SLC2A9: variants seen among roughly 807,000 people sequenced by gnomAD.
The protein encoded by SLC2A9 is solute carrier family 2, facilitated glucose transporter member 9.
SLC2A9 carries 39 observed loss-of-function variants against 50.6 expected under a neutral mutation model. The ratio of observed to expected loss-of-function variants is 0.77; its 90% CI spans 0.60 to 1.01. SLC2A9 has a LOEUF of 1.01. Among genes scored for constraint, SLC2A9 ranks in the 50% least tolerant of loss-of-function variants. The pLI is 0.00. For synonymous variants in SLC2A9, 324 were observed against 276.9 expected (o/e 1.17, Z -1.69); for missense variants, 686 against 677.6 (o/e 1.01, Z -0.14).
intron 10 of SLC2A9, chr4:9,879,505 C>A (rs1734854071): frequency 1.0e-6 from 1 of 985,246 alleles, no homozygotes; most frequent in Non-Finnish European, 1.2e-6. Context: ...GCAGAGACGA[C>A]CACATAGGTT....
At chr4:9,975,030 G>T (rs914956404) in intron 5 of SLC2A9, among the ~76,000 whole-genome samples, 1 of 152,208 alleles carries the variant, frequency 6.6e-6, no homozygotes, top group South Asian at 2.1e-4. Flanking sequence ...AATAAATGGT[G>T]CTGGGATAGT....
At chr4:9,939,823 G>A (rs757865689) in intron 6 of SLC2A9, among the ~76,000 whole-genome samples, 3 of 152,104 alleles carry the variant, frequency 2.0e-5, no homozygotes, top group Non-Finnish European at 4.4e-5. Flanking sequence ...CCTGTCACCT[G>A]GCAGAACACC....
At chr4:9,940,142 G>A (rs769843008) in intron 6 of SLC2A9, among the ~76,000 whole-genome samples, 1 of 152,218 alleles carries the variant, frequency 6.6e-6, no homozygotes, top group Non-Finnish European at 1.5e-5. Flanking sequence ...TCCCAGGCTA[G>A]TAGAGACAGA....
At chr4:10,013,116 A>T (rs930214785) in intron 2 of SLC2A9, among the ~76,000 whole-genome samples, 1 of 152,170 alleles carries the variant, frequency 6.6e-6, no homozygotes, top group Non-Finnish European at 1.5e-5. Flanking sequence ...GATAACCCTG[A>T]TTTTCAACAG....
chr4:9,920,266 GTT>G, intron 7 of SLC2A9, 117 bp downstream of exon 7: 2 of 1,062,898 alleles, frequency 1.9e-6, no homozygotes, highest in Non-Finnish European at 1.4e-6. Context: ...ACAGCATAGA[GTT>G]TGTGGCAATG....
intron 3 of SLC2A9, among the ~76,000 whole-genome samples, chr4:9,996,327 CTG>C (rs2109284232): frequency 6.6e-6 from 1 of 152,356 alleles, no homozygotes; most frequent in Non-Finnish European, 1.5e-5. Context: ...AGGCACTGCA[CTG>C]TGTTTTCCAT....
chr4:9,857,624 T>C (rs1730940866), intron 10 of SLC2A9, among the ~76,000 whole-genome samples: 1 of 152,238 alleles, frequency 6.6e-6, no homozygotes, highest in Admixed American at 6.5e-5. Context: ...GATGCCCTAA[T>C]GCTTCCTGTG....
In SLC2A9 at chr4:10,009,965, C is replaced by T. The variant is rs775427502; in HGVS notation, c.249+9010G>A. Among the ~76,000 whole-genome samples the T allele has an allele frequency of 2.6e-4, 40 of 152,310 alleles. 1 individual carries two copies. The highest frequency in any genetic ancestry group is 9.8e-4 in the Admixed American group (15 of 15,300). On this transcript the variant is annotated intron_variant, in intron 2 of 11. Coordinates refer to ENST00000264784, the MANE Select transcript of SLC2A9 (RefSeq NM_020041.3). Reference sequence around the variant, plus strand: ...GTTCTTGGGATGTAGCCTGTGAATTCTTGGGATTTCTTGAGTTATTCATGG... The same window carrying T: ...GTTCTTGGGATGTAGCCTGTGAATTTTTGGGATTTCTTGAGTTATTCATGG...
At position 9,826,553 on chromosome 4, in the gene SLC2A9, G is replaced by A. The variant is rs1725163122; in HGVS notation, c.1467C>T (p.Ile489=). The A allele has an allele frequency of 6.2e-7, 1 of 1,613,954 alleles. No individual in the cohort carries two copies. The highest frequency in any genetic ancestry group is 8.5e-7 in the Non-Finnish European group (1 of 1,179,972). ...CAAAATACAGGTAGATAGCACCTGTGATACAAATTGTAGCAAAGACTAGGA... is the reference window on the plus strand; with the variant it reads ...CAAAATACAGGTAGATAGCACCTGTAATACAAATTGTAGCAAAGACTAGGA... The part of the protein sequence containing the change: ...YCFLVFATIC[I]TGAIYLYFVL... Residue 489 remains isoleucine, a synonymous_variant, in exon 12 of 12, where the codon ATC becomes ATT. Transcript: ENST00000264784.
chr4:9,886,807 C>T (rs923381236), intron 10 of SLC2A9, among the ~76,000 whole-genome samples: 10 of 152,280 alleles, frequency 6.6e-5, no homozygotes, highest in African/African-American at 2.2e-4. Flanking sequence ...TTGGACTCTG[C>T]TGGAGGTCCC....
chr4:9,851,806 G>A (rs1027414942), intron 10 of SLC2A9, among the ~76,000 whole-genome samples: 2 of 151,984 alleles, frequency 1.3e-5, no homozygotes, highest in African/African-American at 4.8e-5. Context: ...GAATAGCCTA[G>A]GATGAAGAAA....
upstream of SLC2A9, among the ~76,000 whole-genome samples, chr4:10,021,996 G>A (rs150871847): frequency 4.8e-3 from 725 of 152,170 alleles, 7 homozygotes; most frequent in African/African-American, 0.016. Context: ...GTGCCACCAC[G>A]CCTGGCTGAT....
At chr4:9,898,669 T>G (rs1739028190) in intron 8 of SLC2A9, among the ~76,000 whole-genome samples, 1 of 152,198 alleles carries the variant, frequency 6.6e-6, no homozygotes, top group Admixed American at 6.5e-5. Flanking sequence ...TCTTCTGATT[T>G]ACATAATCCC....
intron 5 of SLC2A9, among the ~76,000 whole-genome samples, chr4:9,955,836 A>C (rs1374236740): frequency 6.7e-6 from 1 of 148,536 alleles, no homozygotes; most frequent in Non-Finnish European, 1.5e-5. Flanking sequence ...ATTCTTATTC[A>C]GAAAGTCTGA....
chr4:9,949,466 A>T (rs1366722501), intron 5 of SLC2A9, among the ~76,000 whole-genome samples: 1 of 152,228 alleles, frequency 6.6e-6, no homozygotes, highest in African/African-American at 2.4e-5. Context: ...ATATTTTCCC[A>T]CAAAGTATTA....
intron 5 of SLC2A9, among the ~76,000 whole-genome samples, chr4:9,979,104 C>G (rs1755275404): frequency 6.6e-6 from 1 of 152,152 alleles, no homozygotes; most frequent in Non-Finnish European, 1.5e-5. Flanking sequence ...CAGTGTGATC[C>G]ATCCTTGGAT....
intron 10 of SLC2A9, chr4:9,879,056 ACT>A: frequency 1.0e-6 from 1 of 984,512 alleles, no homozygotes; most frequent in Non-Finnish European, 1.2e-6. Context: ...GTGCTGACCC[ACT>A]GTCAGGCTGT....
intron 8 of SLC2A9, among the ~76,000 whole-genome samples, chr4:9,905,657 G>C (rs1740529959): frequency 6.6e-6 from 1 of 152,206 alleles, no homozygotes; most frequent in Admixed American, 6.5e-5. Context: ...GGATGAGAAG[G>C]AGTGGCTTCT....
At chr4:9,878,216 TA>T in intron 10 of SLC2A9, among the ~76,000 whole-genome samples, 1 of 152,280 alleles carries the variant, frequency 6.6e-6, no homozygotes, top group South Asian at 2.1e-4. Flanking sequence ...CCAGATTTCT[TA>T]AAAGCCTTGG....
Sources: allele counts gnomAD v4.1 joint callset (sites outside exome capture counted in the v4.1 genomes callset), GRCh38; gene constraint gnomAD v4.1.1; transcripts MANE v1.5; gene names NCBI Gene and HGNC (gene_info 2026-07-23, HGNC 2026-07-21).